CLCN3: variants seen among roughly 807,000 people sequenced by gnomAD.
The protein encoded by CLCN3 is Cl-/H+ antiporter 3.
Under a neutral mutation model 83.4 loss-of-function variants are expected in CLCN3, and 16 were observed. The observed-to-expected ratio is 0.19, with a 90% CI of 0.13 to 0.29. The LOEUF (loss-of-function observed/expected upper bound fraction) is 0.29, where lower values mean the gene tolerates loss of function less well. Among genes scored for constraint, CLCN3 ranks in the 10% least tolerant of loss-of-function variants. The probability of loss-of-function intolerance (pLI) is 1.00; values close to 1 mark genes in which losing one functional copy is unlikely to be tolerated. For missense variants in CLCN3, 544 were observed against 1,006.0 expected (o/e 0.54, Z 6.21); for synonymous variants, 322 against 346.2 (o/e 0.93, Z 0.78).
At position 169,661,009 on chromosome 4, in the gene CLCN3, C is replaced by G. The variant is rs540887127; in HGVS notation, c.161-19041C>G. Among the ~76,000 whole-genome samples the G allele has an allele frequency of 3.3e-5, 5 of 152,208 alleles. No individual in the cohort carries two copies. In the East Asian group the frequency reaches 9.6e-4, roughly 29 times the overall value. On this transcript the variant is annotated intron_variant, in intron 2 of 12. Coordinates refer to ENST00000513761, the MANE Select transcript of CLCN3 (RefSeq NM_001829.4). ...ATATGTATTTCGGCTGAGTAACATA[C>G]TACATTGTCTTCCACAGGTATCTTG...
At chr4:169,624,978 G>A (rs2150195145) in intron 1 of CLCN3, among the ~76,000 whole-genome samples, 1 of 152,108 alleles carries the variant, frequency 6.6e-6, no homozygotes, top group Non-Finnish European at 1.5e-5. Context: ...TTTTATTAGA[G>A]ACGGGGTTTC....
At chr4:169,697,153 T>C in intron 8 of CLCN3, 36 bp from the exon 9 acceptor site, 2 of 1,369,230 alleles carry the variant, frequency 1.5e-6, no homozygotes, top group Non-Finnish European at 2.0e-6. Flanking sequence ...TATAAAATTA[T>C]AGCATTAATT....
intron 9 of CLCN3, among the ~76,000 whole-genome samples, chr4:169,701,202 A>G (rs1034391473): frequency 2.0e-5 from 3 of 152,232 alleles, no homozygotes; most frequent in Non-Finnish European, 4.4e-5. Context: ...CATCTTTACC[A>G]GGACTGGATT....
At chr4:169,633,975 T>C (rs1773444599) in intron 1 of CLCN3, among the ~76,000 whole-genome samples, 1 of 152,110 alleles carries the variant, frequency 6.6e-6, no homozygotes, top group East Asian at 1.9e-4. Flanking sequence ...TTATCTTAAG[T>C]TATCAAATTT....
At position 169,690,648 on chromosome 4, in the gene CLCN3, C is replaced by G. The variant is rs750376977; in HGVS notation, c.725C>G (p.Pro242Arg). The change falls in exon 6 of 13, where the codon CCA (proline) becomes CGA (arginine). Residue 242 changes from proline to arginine, a missense_variant. Physicochemically the swap from Pro to Arg is moderately radical, Grantham distance 103. This residue lies in a region of CLCN3 where 96 missense variants were observed against 202.1 expected (regional missense o/e 0.48). Transcript: ENST00000513761. Reference protein sequence around the residue: ...FAPYACGSGIPEIKTILSGFI... With the variant: ...FAPYACGSGIREIKTILSGFI... Reference sequence around the variant, plus strand: ...CCATATGCCTGTGGCTCTGGAATTCCAGAGGTAAGCCAAGTAATATTTAGT... The same window carrying G: ...CCATATGCCTGTGGCTCTGGAATTCGAGAGGTAAGCCAAGTAATATTTAGT... The G allele has an allele frequency of 6.2e-7, 1 of 1,611,192 alleles. No homozygotes were observed. The highest frequency in any genetic ancestry group is 8.5e-7 in the Non-Finnish European group (1 of 1,178,794).
chr4:169,698,849 T>C (rs1261226684), intron 9 of CLCN3, among the ~76,000 whole-genome samples: 1 of 152,198 alleles, frequency 6.6e-6, no homozygotes, highest in Non-Finnish European at 1.5e-5. Context: ...CTTTTCTGGC[T>C]ATTAAAAGCT....
chr4:169,633,857 G>A (rs1420611950), intron 1 of CLCN3, among the ~76,000 whole-genome samples: 1 of 152,110 alleles, frequency 6.6e-6, no homozygotes, highest in African/African-American at 2.4e-5. Context: ...ATTTCAGTTT[G>A]GACCAGCCAT....
At chr4:169,716,615 G>A (rs2150278723) in intron 12 of CLCN3, among the ~76,000 whole-genome samples, 1 of 152,256 alleles carries the variant, frequency 6.6e-6, no homozygotes, top group Non-Finnish European at 1.5e-5. Context: ...TTTGGAGGGG[G>A]AAGTTGCTCC....
Position 169,687,747 on chromosome 4 carries a change from A to T in CLCN3, c.408A>T (p.Gly136=), listed in dbSNP as rs983738623. ...GATGGCTAGTAGTAACACTAACAGG[A>T]TTGGCATCAGGTAAAGAAAATTTTT... The part of the protein sequence containing the change: ...WSGWLVVTLT[G]LASGALAGLI... The change falls in exon 4 of 13, where the codon GGA becomes GGT. Residue 136 remains glycine, a synonymous_variant. Coordinates refer to ENST00000513761, the MANE Select transcript of CLCN3 (RefSeq NM_001829.4). 18 of 1,572,308 alleles carry T rather than the reference A, an allele frequency of 1.1e-5. No homozygotes were observed. The highest frequency in any genetic ancestry group is 1.6e-5 in the Non-Finnish European group (18 of 1,156,438).
intron 2 of CLCN3, among the ~76,000 whole-genome samples, chr4:169,652,583 C>T (rs896380626): frequency 6.6e-6 from 1 of 152,142 alleles, no homozygotes; most frequent in African/African-American, 2.4e-5. Context: ...TGGTTACTAA[C>T]AATGCTACTT....
intron 2 of CLCN3, among the ~76,000 whole-genome samples, chr4:169,678,188 T>C (rs1003703513): frequency 1.3e-5 from 2 of 152,230 alleles, no homozygotes. Context: ...CAATTTATCT[T>C]TTACAAATCA....
intron 5 of CLCN3, among the ~76,000 whole-genome samples, chr4:169,690,295 G>A (rs546021958): frequency 2.0e-4 from 30 of 151,886 alleles, no homozygotes; most frequent in Admixed American, 1.6e-3. Flanking sequence ...ACAGGCGTGC[G>A]CCACCATGCC....
In CLCN3 at chr4:169,704,055, G is replaced by A; in HGVS notation, c.1621G>A (p.Val541Met). 6.2e-7 allele frequency: 1 copy of A among 1,614,170 alleles called. No individual in the cohort carries two copies. Among genetic ancestry groups the A allele is most frequent in the Non-Finnish European group, 8.5e-7 (1 of 1,180,012 alleles). ...CATTGGAGCGATCGCAGGAAGGATT[G>A]TGGGGATTGCGGTGGAGCAGCTTGC... is the stretch of plus-strand genomic sequence containing the variant. ...MAIGAIAGRI[V>M]GIAVEQLAYY... Residue 541 changes from valine to methionine, a missense_variant, in exon 10 of 13, where the codon GTG becomes ATG. Val to Met is a conservative substitution (Grantham distance 21). Coordinates refer to ENST00000513761, the MANE Select transcript of CLCN3 (RefSeq NM_001829.4).
At chr4:169,650,744 T>A (rs1730708653) in intron 2 of CLCN3, among the ~76,000 whole-genome samples, 4 of 152,246 alleles carry the variant, frequency 2.6e-5, no homozygotes, top group Non-Finnish European at 5.9e-5. Context: ...GGTCATGTTC[T>A]TAATACATTT....
intron 2 of CLCN3, among the ~76,000 whole-genome samples, chr4:169,652,478 A>G (rs1352415790): frequency 1.3e-5 from 2 of 152,216 alleles, no homozygotes; most frequent in Non-Finnish European, 2.9e-5. Flanking sequence ...TGGTTGCTCT[A>G]AACTATTATA....
At chr4:169,660,964 A>G (rs1038254084) in intron 2 of CLCN3, among the ~76,000 whole-genome samples, 1 of 152,196 alleles carries the variant, frequency 6.6e-6, no homozygotes, top group African/African-American at 2.4e-5. Flanking sequence ...AATAATTTCT[A>G]TATTAATACT....
intron 1 of CLCN3, among the ~76,000 whole-genome samples, chr4:169,626,137 G>T (rs1057425587): frequency 6.6e-6 from 1 of 152,146 alleles, no homozygotes; most frequent in Non-Finnish European, 1.5e-5. Flanking sequence ...CACTCCTTAC[G>T]TCCTTGGGTT....
intron 1 of CLCN3, among the ~76,000 whole-genome samples, chr4:169,634,012 G>A (rs902442045): frequency 1.3e-5 from 2 of 151,984 alleles, no homozygotes; most frequent in African/African-American, 4.8e-5. Flanking sequence ...ATGCAGGCCT[G>A]GGTTTAATTG....
intron 2 of CLCN3, among the ~76,000 whole-genome samples, chr4:169,656,933 C>A (rs1308992115): frequency 1.3e-5 from 2 of 151,952 alleles, no homozygotes; most frequent in Admixed American, 6.6e-5. Flanking sequence ...GGAGTGAGAC[C>A]CTGTCTCTAA....
Sources: allele counts gnomAD v4.1 joint callset (sites outside exome capture counted in the v4.1 genomes callset), GRCh38; gene constraint gnomAD v4.1.1; regional missense constraint gnomAD v4.1.1; transcripts MANE v1.5; gene names NCBI Gene and HGNC (gene_info 2026-07-23, HGNC 2026-07-21).